The following CCDC102A variants were observed in gnomAD, a reference collection of about 807,000 sequenced individuals.
CCDC102A encodes the protein coiled-coil domain-containing protein 102A.
In CCDC102A, 40 loss-of-function variants were observed where a neutral mutation model predicts 55.5. The ratio of observed to expected loss-of-function variants is 0.72; its 90% CI spans 0.56 to 0.94. The LOEUF (loss-of-function observed/expected upper bound fraction) is 0.94, where lower values mean the gene tolerates loss of function less well. CCDC102A is among the 40% of genes least tolerant of loss of function. The probability of loss-of-function intolerance (pLI) is 0.00; values close to 1 mark genes in which losing one functional copy is unlikely to be tolerated. For synonymous variants in CCDC102A, 323 were observed against 339.0 expected, an observed-to-expected ratio of 0.95 and a Z score of 0.52; for missense variants, 779 against 768.6, an observed-to-expected ratio of 1.01 and a Z score of -0.16.
chr16:57,530,938 G>A (rs1014347557), intron 1 of CCDC102A, among the ~76,000 whole-genome samples: 2 of 151,758 alleles, frequency 1.3e-5, no homozygotes, highest in African/African-American at 4.8e-5. Context: ...CGTGGCACCT[G>A]CTTCCCTGCC....
At chr16:57,517,983 G>T in intron 6 of CCDC102A, 85 bp downstream of exon 6, 1 of 1,413,340 alleles carries the variant, frequency 7.1e-7, no homozygotes, top group Non-Finnish European at 9.5e-7. Flanking sequence ...ATTATCACCA[G>T]GCCTGACACA....
intron 2 of CCDC102A, among the ~76,000 whole-genome samples, chr16:57,528,136 A>T (rs1243736773): frequency 1.3e-5 from 2 of 152,116 alleles, no homozygotes; most frequent in African/African-American, 4.8e-5. Context: ...CACTTTTCAC[A>T]GCTAATTCCT....
intron 2 of CCDC102A, among the ~76,000 whole-genome samples, chr16:57,527,419 T>TG (rs1555519822): frequency 7.9e-6 from 1 of 126,174 alleles, no homozygotes; most frequent in African/African-American, 3.1e-5. Flanking sequence ...TTGCTGCTGC[T>TG]TTTTTTTTTT....
At chr16:57,534,482 A>G (rs904068075) in intron 1 of CCDC102A, among the ~76,000 whole-genome samples, 20 of 152,112 alleles carry the variant, frequency 1.3e-4, no homozygotes, top group African/African-American at 4.8e-4. Context: ...AAACTCCTAC[A>G]CATCCTTCAA....
chr16:57,520,569 A>G (rs2032028277), intron 4 of CCDC102A, among the ~76,000 whole-genome samples: 1 of 134,304 alleles, frequency 7.4e-6, no homozygotes, highest in South Asian at 2.2e-4. Context: ...AACATAACAT[A>G]ACATAACATA....
chr16:57,529,179 G>T lies in CCDC102A; in HGVS notation c.-2C>A. 8.5e-7 allele frequency: 1 copy of T among 1,180,676 alleles called. No homozygotes were observed. The allele number at this position is 1,180,676 out of a possible 1,614,324, so 73.1% of individuals were successfully genotyped here. On this transcript the variant is annotated 5_prime_UTR_variant, in exon 2 of 9. Transcript: ENST00000258214. This position sits in a 1 kb window ranked among gnomAD's most constrained non-coding sequence, Gnocchi z 4.1. ...CCGGGGGCTGGGCCCGTGGCTCATG[G>T]TGCGGCCGGGCGGGCCCTGAGCTCG...
At chr16:57,515,296 G>T in intron 8 of CCDC102A, 45 bp downstream of exon 8, 1 of 1,241,382 alleles carries the variant, frequency 8.1e-7, no homozygotes. Flanking sequence ...AGGGTTCCCT[G>T]GCTGGAAGTC....
At chr16:57,532,150 C>A (rs1211455652) in intron 1 of CCDC102A, among the ~76,000 whole-genome samples, 10 of 152,166 alleles carry the variant, frequency 6.6e-5, no homozygotes, top group African/African-American at 2.4e-4. Flanking sequence ...ATCAGGGTGT[C>A]CTTCAGATTC....
rs144990758 is a variant in CCDC102A at position 57,512,827 on chromosome 16, G to A, written c.1567C>T (p.Arg523Cys). ...QQNAPLFGKI[R>C]SARFGTEEAE... ...TCCTCGGTGCCAAAGCGAGCACTGC[G>A]GATCTTCCCGAAGAGGGGAGCGTTC... The change falls in exon 9 of 9, where the codon CGC becomes TGC. Residue 523 changes from arginine to cysteine, a missense_variant. Arg to Cys is a radical substitution (Grantham distance 180). Coordinates refer to ENST00000258214, the MANE Select transcript of CCDC102A (RefSeq NM_033212.4). 613 of 1,614,000 alleles carry A rather than the reference G, an allele frequency of 3.8e-4. 1 individual carries two copies. The highest frequency in any genetic ancestry group is 4.9e-4 in the Non-Finnish European group (576 of 1,179,918).
chr16:57,526,077 C>G lies in CCDC102A; in HGVS notation c.636G>C (p.Glu212Asp), dbSNP rs773655556. The G allele has an allele frequency of 1.9e-6, 3 of 1,582,738 alleles. No homozygotes were observed. The highest frequency in any genetic ancestry group is 2.6e-6 in the Non-Finnish European group (3 of 1,169,228). The change falls in exon 3 of 9, where the codon GAG (glutamate) becomes GAC (aspartate). Residue 212 changes from glutamate (E) to aspartate (D), a missense_variant. Glu to Asp is a conservative substitution (Grantham distance 45). Coordinates refer to ENST00000258214, the MANE Select transcript of CCDC102A (RefSeq NM_033212.4). ...CCAGGCTGCGCGCCTCCCAGCAGTCCTCAGACTCCTCTGGCATGCTCTTCA... is the reference window on the plus strand; with the variant it reads ...CCAGGCTGCGCGCCTCCCAGCAGTCGTCAGACTCCTCTGGCATGCTCTTCA... ...SLLKSMPEES[E>D]DCWEARSLGA...
At chr16:57,521,445 G>C (rs955518724) in intron 3 of CCDC102A, among the ~76,000 whole-genome samples, 1 of 152,216 alleles carries the variant, frequency 6.6e-6, no homozygotes, top group African/African-American at 2.4e-5. Flanking sequence ...CCCCGGGCAA[G>C]TACCTCTCTC....
chr16:57,512,680 C>T lies in CCDC102A; in HGVS notation c.*61G>A, dbSNP rs1644097706. 2 of 1,553,832 alleles carry T rather than the reference C, an allele frequency of 1.3e-6. No individual in the cohort carries two copies. The highest frequency in any genetic ancestry group is 1.7e-6 in the Non-Finnish European group (2 of 1,149,840). ...CTAGGCACTGCATCAGTTTGAGTGG[C>T]TGGTTAGCCTGGACCCTGGGCAGGT... On this transcript the variant is annotated 3_prime_UTR_variant, in exon 9 of 9. Transcript: ENST00000258214.
rs762305485 is a variant in CCDC102A at position 57,518,087 on chromosome 16, G to A, written c.1229C>T (p.Ala410Val). The change falls in exon 6 of 9, where the codon GCG (alanine) becomes GTG (valine). Residue 410 changes from alanine to valine, a missense_variant. Physicochemically the swap from Ala to Val is moderately conservative, Grantham distance 64 (BLOSUM62 0). Transcript: ENST00000258214. ...CCCCACCTTGTTCTTCTCGAAGAGC[G>A]CGGCCTGGCTGGCCCTCAGGTCGCA... ...LDCDLRASQA[A>V]LFEKNKELAD... 9.7e-5 allele frequency: 155 copies of A among 1,602,880 alleles called. No homozygotes were observed. The highest frequency in any genetic ancestry group is 1.2e-4 in the Non-Finnish European group (146 of 1,177,320).
intron 1 of CCDC102A, among the ~76,000 whole-genome samples, chr16:57,536,250 C>T (rs1165077011): frequency 1.3e-5 from 2 of 151,904 alleles, no homozygotes; most frequent in Non-Finnish European, 2.9e-5. Flanking sequence ...TCCGGAGGCG[C>T]CTCCCCTCCC....
Position 57,529,273 on chromosome 16 carries a change from C to G in CCDC102A, c.-96G>C. 9.0e-7 allele frequency: 1 copy of G among 1,116,804 alleles called. No homozygotes were observed. 69.2% of individuals were successfully genotyped at this position (1,116,804 alleles called of 1,614,324 possible). A position where few individuals can be genotyped will look rare whatever the true frequency, so the allele number is the denominator to read the frequency against. ...GGCGCGATACAACTGTGCATGATGA[C>G]GCCGTGCCCCGCTTCCCTCTGGGCC... is the stretch of plus-strand genomic sequence containing the variant. On this transcript the variant is annotated 5_prime_UTR_variant, in exon 2 of 9. Transcript: ENST00000258214. The surrounding 1 kb of genome is among the most constrained non-coding windows in gnomAD (Gnocchi z 4.1).
At chr16:57,533,729 C>T (rs1328212460) in intron 1 of CCDC102A, among the ~76,000 whole-genome samples, 1 of 152,060 alleles carries the variant, frequency 6.6e-6, no homozygotes, top group Non-Finnish European at 1.5e-5. Context: ...AATGCACAGA[C>T]TCACACGCAG....
At chr16:57,534,018 C>T (rs1335414670) in intron 1 of CCDC102A, among the ~76,000 whole-genome samples, 1 of 152,210 alleles carries the variant, frequency 6.6e-6, no homozygotes, top group African/African-American at 2.4e-5. Context: ...GTTGTCCTGC[C>T]TCCCAACAGC....
Position 57,518,251 on chromosome 16 carries a change from A to T in CCDC102A, c.1065T>A (p.Ala355=). ...GEMERLQAEN[A]AEWGRRERLE... The stretch of plus-strand genomic sequence containing the variant: ...GCCGCTCCCGGCGGCCCCACTCCGC[A>T]GCGTTTTCGGCCTGCAGCCGCTCCA... The change falls in exon 6 of 9, where the codon GCT becomes GCA. Residue 355 remains alanine, a synonymous_variant. Transcript: ENST00000258214. 6.2e-7 allele frequency: 1 copy of T among 1,610,598 alleles called. No homozygotes were observed. The highest frequency in any genetic ancestry group is 1.7e-4 in the Middle Eastern group (1 of 6,058).
rs111557667 is a variant in CCDC102A, at chr16:57,525,884, C to T, written c.812+17G>A. 52 of 1,610,296 alleles carry T rather than the reference C, an allele frequency of 3.2e-5. 1 individual carries two copies. In the Admixed American group the frequency reaches 5.9e-4, roughly 18 times the overall value. On this transcript the variant is annotated intron_variant, in intron 3 of 8. Transcript: ENST00000258214. Reference sequence around the variant, plus strand: ...GCCTGGCCCTGGCCCTGCCCCCTCCCGCCTCCCACGACTCACTCTCGCTCC... The same window carrying T: ...GCCTGGCCCTGGCCCTGCCCCCTCCTGCCTCCCACGACTCACTCTCGCTCC...
Sources: allele counts gnomAD v4.1 joint callset (sites outside exome capture counted in the v4.1 genomes callset), GRCh38; gene constraint gnomAD v4.1.1; non-coding constraint Gnocchi (gnomAD v3.1); transcripts MANE v1.5; gene names NCBI Gene and HGNC (gene_info 2026-07-23, HGNC 2026-07-21).